The following MDFIC variants were observed in gnomAD, a reference collection of about 807,000 sequenced individuals.
MDFIC encodes the protein myoD family inhibitor domain-containing protein.
MDFIC carries 17 observed loss-of-function variants against 23.2 expected under a neutral mutation model. The ratio of observed to expected loss-of-function variants is 0.73; its 90% CI spans 0.50 to 1.10. The LOEUF (loss-of-function observed/expected upper bound fraction) is 1.10, where lower values mean the gene tolerates loss of function less well. MDFIC is among the 50% of genes least tolerant of loss of function. The pLI is 0.00. For synonymous variants in MDFIC, 120 were observed against 115.2 expected (o/e 1.04, Z -0.27); for missense variants, 356 against 316.6 (o/e 1.12, Z -0.95).
intron 2 of MDFIC, among the ~76,000 whole-genome samples, chr7:114,934,586 A>G (rs1792388659): frequency 6.6e-6 from 1 of 152,230 alleles, no homozygotes; most frequent in South Asian, 2.1e-4. Context: ...GTCTAAATAT[A>G]CCATAAGCTT....
chr7:114,941,693 G>T (rs1792542992), intron 2 of MDFIC, among the ~76,000 whole-genome samples: 1 of 152,054 alleles, frequency 6.6e-6, no homozygotes, highest in Non-Finnish European at 1.5e-5. Context: ...TTCCTTACAT[G>T]TTGGCTTTCT....
chr7:114,990,869 T>C (rs1046173260), intron 4 of MDFIC, among the ~76,000 whole-genome samples: 2 of 152,166 alleles, frequency 1.3e-5, no homozygotes, highest in Non-Finnish European at 2.9e-5. Flanking sequence ...TACCCAGTAA[T>C]GGGATGGCTG....
At chr7:115,014,373 T>C in intron 4 of MDFIC, 1 of 1,284,986 alleles carries the variant, frequency 7.8e-7, no homozygotes, top group Admixed American at 2.3e-5. Flanking sequence ...TGCAGTTATA[T>C]GGCATTCTAT....
At chr7:115,014,552 T>C (rs888251562) in intron 4 of MDFIC, 4 of 1,279,906 alleles carry the variant, frequency 3.1e-6, no homozygotes, top group Non-Finnish European at 4.1e-6. Flanking sequence ...GTGGGGTTGT[T>C]GTGTCTTATC....
Position 114,922,180 on chromosome 7 carries a change from C to A in MDFIC, c.-564C>A. 2.6e-6 allele frequency: 1 copy of A among 391,322 alleles called. No homozygotes were observed. The allele number at this position is 391,322 out of a possible 1,614,324, so 24.2% of individuals were successfully genotyped here. A position where few individuals can be genotyped will look rare whatever the true frequency, so the allele number is the denominator to read the frequency against. ...CCAGGCCGGCTCTGGCCTCCTGACCCAGACAGCGCAGGGCGCGAGGGATCG... is the reference window on the plus strand; with the variant it reads ...CCAGGCCGGCTCTGGCCTCCTGACCAAGACAGCGCAGGGCGCGAGGGATCG... On this transcript the variant is annotated 5_prime_UTR_variant, in exon 1 of 5. Transcript: ENST00000393486.
intron 3 of MDFIC, among the ~76,000 whole-genome samples, chr7:114,944,477 T>A (rs528665930): frequency 4.3e-4 from 66 of 152,306 alleles, no homozygotes; most frequent in African/African-American, 1.4e-3. Flanking sequence ...ACAGAAAAAA[T>A]TTGATATCTG....
chr7:114,941,726 T>C (rs1792543288), intron 2 of MDFIC, among the ~76,000 whole-genome samples: 2 of 152,162 alleles, frequency 1.3e-5, no homozygotes, highest in South Asian at 4.1e-4. Flanking sequence ...ATAAACCCAC[T>C]TGCGAATCTC....
chr7:114,941,320 C>G (rs1228510861), intron 2 of MDFIC, among the ~76,000 whole-genome samples: 1 of 152,162 alleles, frequency 6.6e-6, no homozygotes, highest in Non-Finnish European at 1.5e-5. Flanking sequence ...AGATTTCTCA[C>G]CTTAGCATTC....
At chr7:114,925,708 G>T (rs1255847933) in intron 2 of MDFIC, among the ~76,000 whole-genome samples, 1 of 152,092 alleles carries the variant, frequency 6.6e-6, no homozygotes, top group Non-Finnish European at 1.5e-5. Context: ...GCTAATTGTT[G>T]CCATGTGGGT....
intron 4 of MDFIC, among the ~76,000 whole-genome samples, chr7:114,996,905 G>C (rs1448057720): frequency 6.6e-6 from 1 of 152,022 alleles, no homozygotes; most frequent in East Asian, 1.9e-4. Context: ...AAAATGAAGA[G>C]AAACTATCAA....
chr7:114,972,479 G>C (rs1793224330), intron 3 of MDFIC, among the ~76,000 whole-genome samples: 1 of 152,096 alleles, frequency 6.6e-6, no homozygotes, highest in African/African-American at 2.4e-5. Context: ...GATTAGGATG[G>C]AAATTTGAGG....
intron 2 of MDFIC, among the ~76,000 whole-genome samples, chr7:114,933,053 T>G (rs1490322401): frequency 6.6e-6 from 1 of 152,220 alleles, no homozygotes; most frequent in Non-Finnish European, 1.5e-5. Context: ...CCTTCATTCT[T>G]GTAATAGTGC....
chr7:114,939,596 T>C (rs1792498596), intron 2 of MDFIC, among the ~76,000 whole-genome samples: 1 of 152,022 alleles, frequency 6.6e-6, no homozygotes, highest in African/African-American at 2.4e-5. Context: ...TTGCCTAGAG[T>C]GGGTTATATA....
intron 4 of MDFIC, among the ~76,000 whole-genome samples, chr7:115,015,461 G>A (rs764062363): frequency 9.9e-5 from 15 of 151,920 alleles, no homozygotes; most frequent in East Asian, 1.9e-4. Context: ...ACACATGTGC[G>A]TACACACAAT....
intron 3 of MDFIC, among the ~76,000 whole-genome samples, chr7:114,963,851 A>T (rs1301331333): frequency 1.3e-5 from 2 of 152,190 alleles, no homozygotes; most frequent in Non-Finnish European, 2.9e-5. Flanking sequence ...AAGTGCTGGG[A>T]TTACAGGTGT....
At position 114,923,137 on chromosome 7, in the gene MDFIC, C is replaced by G. The variant is rs1563133097; in HGVS notation, c.94+10C>G. On this transcript the variant is annotated intron_variant, in intron 2 of 4. Transcript: ENST00000393486. ...GGCTCCACAGCCCAGGGTGAGTGCG[C>G]GCTTGCAAGTGGCAAGCTTCTTTGT... 1 of 1,524,632 alleles carries G rather than the reference C, an allele frequency of 6.6e-7. No homozygotes were observed. The highest frequency in any genetic ancestry group is 2.5e-5 in the East Asian group (1 of 40,122). 94.4% of individuals were successfully genotyped at this position (1,524,632 alleles called of 1,614,324 possible).
intron 4 of MDFIC, among the ~76,000 whole-genome samples, chr7:115,006,926 T>A (rs1791580752): frequency 4.5e-5 from 1 of 22,164 alleles, no homozygotes. Context: ...TAGGTTCAAG[T>A]AAAGTATAGT....
intron 3 of MDFIC, among the ~76,000 whole-genome samples, chr7:114,964,777 G>A (rs573375072): frequency 3.9e-5 from 6 of 152,060 alleles, no homozygotes; most frequent in South Asian, 2.1e-4. Context: ...TCTCGAACTC[G>A]TGACCTCATG....
intron 2 of MDFIC, among the ~76,000 whole-genome samples, chr7:114,941,666 C>T (rs779089431): frequency 6.6e-6 from 1 of 152,094 alleles, no homozygotes; most frequent in South Asian, 2.1e-4. Context: ...GACTTATGTG[C>T]CCCAAAGACT....
Sources: allele counts gnomAD v4.1 joint callset (sites outside exome capture counted in the v4.1 genomes callset), GRCh38; gene constraint gnomAD v4.1.1; transcripts MANE v1.5; gene names NCBI Gene and HGNC (gene_info 2026-07-23, HGNC 2026-07-21).